Variants in CNTN1 observed in about 807,000 individuals in gnomAD.
CNTN1 encodes contactin-1.
Under a neutral mutation model 126.4 loss-of-function variants are expected in CNTN1, and 38 were observed. That is an observed-to-expected ratio of 0.30 (90% CI 0.23 to 0.39). The LOEUF (loss-of-function observed/expected upper bound fraction) is 0.39, where lower values mean the gene tolerates loss of function less well. CNTN1 is among the 10% of genes least tolerant of loss of function. CNTN1 has a pLI of 1.00. For synonymous variants in CNTN1, 413 were observed against 422.6 expected (o/e 0.98, Z 0.28); for missense variants, 1,009 against 1,248.4 (o/e 0.81, Z 2.89).
chr12:40,792,663 A>G (rs990521388), intron 1 of CNTN1, among the ~76,000 whole-genome samples: 4 of 152,084 alleles, frequency 2.6e-5, no homozygotes, highest in African/African-American at 9.7e-5. Context: ...TTATCTTGAT[A>G]TATAATTATT....
At position 40,908,220 on chromosome 12, in the gene CNTN1, G is replaced by A. The variant is rs753736766; in HGVS notation, c.-76-137G>A. On this transcript the variant is annotated intron_variant, in intron 1 of 23. Transcript: ENST00000551295. The stretch of plus-strand genomic sequence containing the variant: ...CAAACGAAAAGCATAAAGTCACATA[G>A]GTTAATAATGTTTTCCTCAAATGAT... 3.3e-4 allele frequency: 183 copies of A among 557,248 alleles called. 1 individual carries two copies. Among genetic ancestry groups the A allele is most frequent in the Non-Finnish European group, 5.3e-4 (165 of 313,578 alleles). The allele number at this position is 557,248 out of a possible 1,614,324, so 34.5% of individuals were successfully genotyped here. A position where few individuals can be genotyped will look rare whatever the true frequency, so the allele number is the denominator to read the frequency against.
intron 1 of CNTN1, among the ~76,000 whole-genome samples, chr12:40,833,063 CTTT>C (rs140639210): frequency 6.7e-6 from 1 of 149,306 alleles, no homozygotes; most frequent in Non-Finnish European, 1.5e-5. Context: ...AACAAGTTAT[CTTT>C]TTTTTTTGAG....
chr12:40,995,769 C>T (rs554617571), intron 17 of CNTN1, among the ~76,000 whole-genome samples: 29 of 152,282 alleles, frequency 1.9e-4, no homozygotes, highest in African/African-American at 7.0e-4. Flanking sequence ...AATTCTGTAA[C>T]TTCTAACACA....
intron 1 of CNTN1, among the ~76,000 whole-genome samples, chr12:40,832,690 G>A (rs1321158992): frequency 6.6e-6 from 1 of 152,070 alleles, no homozygotes; most frequent in Non-Finnish European, 1.5e-5. Context: ...GCAGACCCTG[G>A]AAGGACCACC....
chr12:40,972,253 G>A, intron 15 of CNTN1: 1 of 985,196 alleles, frequency 1.0e-6, no homozygotes, highest in Non-Finnish European at 1.2e-6. Context: ...TGGGTGGAAG[G>A]TTGTGATTTT....
intron 1 of CNTN1, among the ~76,000 whole-genome samples, chr12:40,804,459 G>C (rs1940769461): frequency 1.3e-5 from 2 of 151,992 alleles, no homozygotes; most frequent in African/African-American, 4.8e-5. Flanking sequence ...TGTTTGAAAA[G>C]AAGGTTGGGA....
chr12:40,848,261 TCTC>T (rs1223101607), intron 1 of CNTN1, among the ~76,000 whole-genome samples: 1 of 152,224 alleles, frequency 6.6e-6, no homozygotes, highest in Admixed American at 6.5e-5. Context: ...CTGATACTCT[TCTC>T]TACTTCCCTT....
intron 1 of CNTN1, among the ~76,000 whole-genome samples, chr12:40,741,278 T>A (rs1366069096): frequency 1.3e-5 from 2 of 152,108 alleles, no homozygotes; most frequent in Non-Finnish European, 2.9e-5. Flanking sequence ...TCACTTTAAA[T>A]CAGCTTTAAT....
chr12:40,924,406 G>A (rs1945557786), intron 5 of CNTN1, 151 bp from the exon 6 acceptor site: 2 of 642,580 alleles, frequency 3.1e-6, no homozygotes, highest in East Asian at 2.9e-5. Flanking sequence ...AGCAATGTAA[G>A]AACGAGGAGC....
chr12:41,011,578 G>T (rs920397457), intron 17 of CNTN1, among the ~76,000 whole-genome samples: 1 of 152,176 alleles, frequency 6.6e-6, no homozygotes, highest in Non-Finnish European at 1.5e-5. Flanking sequence ...TGCAGGTGTG[G>T]CTTCCCCAGC....
chr12:41,057,050 AT>A (rs1301676902), intron 23 of CNTN1, among the ~76,000 whole-genome samples: 1 of 124,024 alleles, frequency 8.1e-6, no homozygotes, highest in African/African-American at 3.3e-5. Flanking sequence ...ATATTTAGAT[AT>A]TTATAAATAT....
chr12:41,061,880 T>C (rs1949945531), intron 23 of CNTN1: 1 of 452,500 alleles, frequency 2.2e-6, no homozygotes, highest in South Asian at 1.6e-5. Context: ...TTGACAGAAC[T>C]AGAGGTAGGT....
chr12:40,845,244 C>T (rs1325413844), intron 1 of CNTN1, among the ~76,000 whole-genome samples: 1 of 152,086 alleles, frequency 6.6e-6, no homozygotes, highest in Non-Finnish European at 1.5e-5. Context: ...ACTTGAAATG[C>T]AAGTTTATCA....
intron 17 of CNTN1, among the ~76,000 whole-genome samples, chr12:41,002,022 T>G (rs1435250222): frequency 6.6e-6 from 1 of 152,212 alleles, no homozygotes; most frequent in Non-Finnish European, 1.5e-5. Context: ...TTTTTTTGAT[T>G]ACCGTAGCCC....
At chr12:40,987,825 T>C (rs536845106) in intron 16 of CNTN1, among the ~76,000 whole-genome samples, 4 of 152,308 alleles carry the variant, frequency 2.6e-5, no homozygotes, top group African/African-American at 9.6e-5. Flanking sequence ...TAGAACCAGT[T>C]TTTATTCCCA....
At chr12:41,016,977 C>T in intron 19 of CNTN1, 61 bp downstream of exon 19, 1 of 1,399,504 alleles carries the variant, frequency 7.1e-7, no homozygotes, top group Non-Finnish European at 1.0e-6. Context: ...CTCTAGCAGG[C>T]ATTTAGTTTG....
At chr12:40,861,015 G>C (rs1286576363) in intron 1 of CNTN1, among the ~76,000 whole-genome samples, 1 of 151,946 alleles carries the variant, frequency 6.6e-6, no homozygotes, top group African/African-American at 2.4e-5. Flanking sequence ...CCAGGAACAG[G>C]GGACAAAGAC....
chr12:40,821,534 G>T (rs1320273760), intron 1 of CNTN1, among the ~76,000 whole-genome samples: 1 of 152,044 alleles, frequency 6.6e-6, no homozygotes, highest in African/African-American at 2.4e-5. Flanking sequence ...ATTTTACATG[G>T]AGATTAAATT....
chr12:40,831,569 A>AAGAGCATATC (rs1592135829), intron 1 of CNTN1, among the ~76,000 whole-genome samples: 1 of 152,168 alleles, frequency 6.6e-6, no homozygotes, highest in East Asian at 1.9e-4. Flanking sequence ...TAATTAACAT[A>AAGAGCATATC]TGAAACATCT....
Sources: allele counts gnomAD v4.1 joint callset (sites outside exome capture counted in the v4.1 genomes callset), GRCh38; gene constraint gnomAD v4.1.1; transcripts MANE v1.5; gene names NCBI Gene and HGNC (gene_info 2026-07-23, HGNC 2026-07-21).